The following CFAP57 variants were observed in gnomAD, a reference collection of about 807,000 sequenced individuals.
CFAP57 encodes the protein cilia and flagella associated protein 57, also known as cilia- and flagella-associated protein 57.
CFAP57 carries 116 observed loss-of-function variants against 146.8 expected under a neutral mutation model. That is an observed-to-expected ratio of 0.79 (90% CI 0.68 to 0.92). CFAP57 has a LOEUF of 0.92. Among genes scored for constraint, CFAP57 ranks in the 40% least tolerant of loss-of-function variants. The pLI is 0.00. For synonymous variants in CFAP57, 518 were observed against 552.8 expected (o/e 0.94, Z 0.88); for missense variants, 1,377 against 1,527.2 (o/e 0.90, Z 1.64).
In CFAP57 at chr1:43,234,521, C is replaced by G; in HGVS notation, c.3288C>G (p.Asp1096Glu). 7.7e-6 allele frequency: 12 copies of G among 1,549,938 alleles called. No individual in the cohort carries two copies. Among genetic ancestry groups the G allele is most frequent in the Non-Finnish European group, 1.0e-5 (12 of 1,146,660 alleles). Residue 1096 changes from aspartate (D) to glutamate (E), a missense_variant, in exon 21 of 23, where the codon GAC (aspartate) becomes GAG (glutamate). By Grantham distance (45) the Asp-to-Glu change is conservative. Coordinates refer to ENST00000372492, the MANE Select transcript of CFAP57 (RefSeq NM_001378189.1). ...DMVEIAGLNT[D>E]LQQEYTRQRE... ...TGGAGATCGCAGGGCTGAACACAGA[C>G]CTGCAGCAGGAGTACACCCGGCAGC... is the stretch of plus-strand genomic sequence containing the variant.
At chr1:43,248,319 C>CTTTT (rs763437285) in intron 22 of CFAP57, among the ~76,000 whole-genome samples, 1 of 133,474 alleles carries the variant, frequency 7.5e-6, no homozygotes, top group Admixed American at 7.7e-5. Flanking sequence ...AAAAAATTTT[C>CTTTT]TTTTTTTTTT....
At chr1:43,236,737 A>G (rs564175405) in intron 21 of CFAP57, among the ~76,000 whole-genome samples, 2 of 151,914 alleles carry the variant, frequency 1.3e-5, no homozygotes, top group South Asian at 2.1e-4. Context: ...GTGAAACCCC[A>G]TATCTACTAA....
chr1:43,180,922 C>T (rs373633119), intron 2 of CFAP57, among the ~76,000 whole-genome samples: 93 of 152,220 alleles, frequency 6.1e-4, no homozygotes, highest in Middle Eastern at 3.4e-3. Context: ...GCTTGCAGTT[C>T]CCGCACTATG....
At chr1:43,210,290 C>A in intron 11 of CFAP57, 2 of 1,433,826 alleles carry the variant, frequency 1.4e-6, no homozygotes, top group Non-Finnish European at 1.8e-6. Flanking sequence ...GAAGATTGGC[C>A]CCTACCTCTC....
chr1:43,199,029 G>A (rs1011533037), intron 8 of CFAP57, among the ~76,000 whole-genome samples: 1 of 152,226 alleles, frequency 6.6e-6, no homozygotes, highest in African/African-American at 2.4e-5. Flanking sequence ...TCAATGGTGA[G>A]AGGTAATAAA....
chr1:43,210,238 C>T, intron 11 of CFAP57: 1 of 1,491,858 alleles, frequency 6.7e-7, no homozygotes, highest in South Asian at 1.3e-5. Context: ...CAGCTGCCTC[C>T]TCCTCCAGAG....
At chr1:43,206,520 T>C in intron 9 of CFAP57, 200 bp from the exon 10 acceptor site, 1 of 594,694 alleles carries the variant, frequency 1.7e-6, no homozygotes, top group Admixed American at 2.8e-5. Flanking sequence ...GAGTGTTTCA[T>C]CTTCAGTAAT....
chr1:43,224,268 C>T lies in CFAP57; in HGVS notation c.2865+64C>T, dbSNP rs1420312489. The T allele has an allele frequency of 2.8e-6, 4 of 1,452,372 alleles. No individual in the cohort carries two copies. In the African/African-American group the frequency reaches 5.7e-5, roughly 21 times the overall value. The allele number at this position is 1,452,372 out of a possible 1,614,324, so 90.0% of individuals were successfully genotyped here. A position where few individuals can be genotyped will look rare whatever the true frequency, so the allele number is the denominator to read the frequency against. ...ATGGGCCAAGGCGAGGAAGGCAAAGCTCAGGGGAGAGAGGGTCCCTAGCTT... is the reference window on the plus strand; with the variant it reads ...ATGGGCCAAGGCGAGGAAGGCAAAGTTCAGGGGAGAGAGGGTCCCTAGCTT... On this transcript the variant is annotated intron_variant, in intron 17 of 22. Coordinates refer to ENST00000372492, the MANE Select transcript of CFAP57 (RefSeq NM_001378189.1).
chr1:43,218,079 A>C (rs1644905358), intron 12 of CFAP57, among the ~76,000 whole-genome samples: 1 of 152,198 alleles, frequency 6.6e-6, no homozygotes, highest in South Asian at 2.1e-4. Context: ...GCTGGCCAGG[A>C]ATGCAGAAAT....
chr1:43,252,985 G>A (rs1355590664), intron 22 of CFAP57, among the ~76,000 whole-genome samples: 1 of 152,154 alleles, frequency 6.6e-6, no homozygotes, highest in Non-Finnish European at 1.5e-5. Flanking sequence ...ATTGAAGTTT[G>A]AGAAAGAAAG....
chr1:43,253,593 G>T (rs1449060774), intron 22 of CFAP57, among the ~76,000 whole-genome samples: 1 of 152,144 alleles, frequency 6.6e-6, no homozygotes, highest in Non-Finnish European at 1.5e-5. Context: ...AGGAGCAGGG[G>T]TTTTGCACAA....
At position 43,186,722 on chromosome 1, in the gene CFAP57, C is replaced by T. The variant is rs1352482722; in HGVS notation, c.985C>T (p.Gln329Ter). The change falls in exon 6 of 23, where the codon CAG becomes TAG. Residue 329 changes from glutamine (Q) to a stop codon, truncating the protein, a stop_gained. Transcript: ENST00000372492. LOFTEE classifies it high-confidence loss of function. ...SREIRIPVDP[Q>*]SNDPSQSDKQ... ...TTTTGGGCAGATTCCTGTGGACCCG[C>T]AGAGCAATGATCCAAGTCAGTCTGA... 2 of 1,614,046 alleles carry T rather than the reference C, an allele frequency of 1.2e-6. No individual in the cohort carries two copies. The highest frequency in any genetic ancestry group is 1.7e-6 in the Non-Finnish European group (2 of 1,180,018).
rs754101769 is a variant in CFAP57, at chr1:43,199,386, A to G, written c.1429-4A>G. 8.1e-6 allele frequency: 13 copies of G among 1,613,658 alleles called. No homozygotes were observed. The highest frequency in any genetic ancestry group is 1.3e-5 in the African/African-American group (1 of 74,862). On this transcript the variant is annotated splice_region_variant and splice_polypyrimidine_tract_variant and intron_variant, in intron 8 of 22. Transcript: ENST00000372492. ...GCTTGCTCTCTTGCTGTCTTTCCCT[A>G]TAGTGTTCCTTTAGCAATGGAGGTC... is the stretch of plus-strand genomic sequence containing the variant.
At chr1:43,205,522 T>A (rs986905544) in intron 9 of CFAP57, among the ~76,000 whole-genome samples, 1 of 152,238 alleles carries the variant, frequency 6.6e-6, no homozygotes, top group Admixed American at 6.5e-5. Context: ...TGTAAGCCCC[T>A]GGTCTTTTTG....
At chr1:43,249,754 T>C (rs1312273835) in intron 22 of CFAP57, among the ~76,000 whole-genome samples, 2 of 151,990 alleles carry the variant, frequency 1.3e-5, no homozygotes, top group African/African-American at 4.8e-5. Context: ...CCAACCATTT[T>C]CTTAATAGCC....
At position 43,228,822 on chromosome 1, in the gene CFAP57, G is replaced by C. The variant is rs1367687752; in HGVS notation, c.3009+1696G>C. 1.3e-5 allele frequency among the ~76,000 whole-genome samples: 2 copies of C among 149,180 alleles called. 1 individual carries two copies. The highest frequency in any genetic ancestry group is 5.0e-5 in the African/African-American group (2 of 39,984). ...AAGTACTGGAAGCTGGAAAGTCTAA[G>C]ACCAAGGCTCCAGCAGATTTGGTGT... On this transcript the variant is annotated intron_variant, in intron 18 of 22. Transcript: ENST00000372492.
chr1:43,174,217 AT>A (rs1645085240), intron 2 of CFAP57, among the ~76,000 whole-genome samples: 1 of 152,116 alleles, frequency 6.6e-6, no homozygotes, highest in Non-Finnish European at 1.5e-5. Context: ...AGTTTGGGGC[AT>A]TTTTCTCCCA....
chr1:43,212,590 A>G (rs530980204), intron 11 of CFAP57, among the ~76,000 whole-genome samples: 7 of 152,170 alleles, frequency 4.6e-5, no homozygotes, highest in Non-Finnish European at 7.3e-5. Context: ...AATATACAAT[A>G]TATTGTTGTT....
Position 43,198,463 on chromosome 1 carries a change from AATTG to A in CFAP57, c.1263-15_1263-12del, listed in dbSNP as rs1167525229. 2 of 1,613,312 alleles carry A rather than the reference AATTG, an allele frequency of 1.2e-6. No individual in the cohort carries two copies. The highest frequency in any genetic ancestry group is 2.2e-5 in the South Asian group (2 of 91,062). ...TAGTGAGCTAAGCTTACAATTCAGT[AATTG>A]ATCTTTTTCACAGCACCCTGGAACT... is the stretch of plus-strand genomic sequence containing the variant. On this transcript the variant is annotated splice_polypyrimidine_tract_variant and intron_variant, in intron 7 of 22. Coordinates refer to ENST00000372492, the MANE Select transcript of CFAP57 (RefSeq NM_001378189.1).
Sources: gnomAD v4.1 joint callset for allele counts (sites outside exome capture counted in the v4.1 genomes callset) on GRCh38, gnomAD v4.1.1 for gene constraint, MANE v1.5 for transcripts, NCBI Gene and HGNC (gene_info 2026-07-23, HGNC 2026-07-21) for gene names.